The following KCNJ9 variants were observed in gnomAD, a reference collection of about 807,000 sequenced individuals.
The protein encoded by KCNJ9 is G protein-activated inward rectifier potassium channel 3.
Under a neutral mutation model 27.9 loss-of-function variants are expected in KCNJ9, and 18 were observed. The observed-to-expected ratio is 0.65, with a 90% CI of 0.45 to 0.96. The LOEUF is 0.96. Among genes scored for constraint, KCNJ9 ranks in the 40% least tolerant of loss-of-function variants. The pLI is 0.00. For missense variants in KCNJ9, 324 were observed against 557.5 expected (o/e 0.58, Z 4.22); for synonymous variants, 229 against 248.2 (o/e 0.92, Z 0.73).
At chr1:160,085,421 G>A (rs1189403693) in intron 2 of KCNJ9, among the ~76,000 whole-genome samples, 6 of 152,218 alleles carry the variant, frequency 3.9e-5, no homozygotes, top group Admixed American at 3.9e-4. Flanking sequence ...TTAGGTTCAG[G>A]GGTTTTCTCA....
At chr1:160,083,335 G>C (rs913073649) in intron 1 of KCNJ9, among the ~76,000 whole-genome samples, 2 of 152,158 alleles carry the variant, frequency 1.3e-5, no homozygotes, top group African/African-American at 2.4e-5. Context: ...TTTCTTTCTC[G>C]TTTGTAAGCA....
chr1:160,084,126 C>G lies in KCNJ9; in HGVS notation c.96C>G (p.Asn32Lys). 1 of 1,560,486 alleles carries G rather than the reference C, an allele frequency of 6.4e-7. No homozygotes were observed. The highest frequency in any genetic ancestry group is 8.7e-7 in the Non-Finnish European group (1 of 1,153,088). ...QRYVEKDGRC[N>K]VQQGNVRETY... ...ACGTGGAGAAGGATGGCCGGTGCAACGTGCAGCAGGGCAACGTGCGCGAGA... is the reference window on the plus strand; with the variant it reads ...ACGTGGAGAAGGATGGCCGGTGCAAGGTGCAGCAGGGCAACGTGCGCGAGA... The change falls in exon 2 of 3, where the codon AAC (asparagine) becomes AAG (lysine). Residue 32 changes from asparagine (N) to lysine (K), a missense_variant. Coordinates refer to ENST00000368088, the MANE Select transcript of KCNJ9 (RefSeq NM_004983.3).
At chr1:160,082,258 C>T (rs954123723) in intron 1 of KCNJ9, among the ~76,000 whole-genome samples, 6 of 152,148 alleles carry the variant, frequency 3.9e-5, no homozygotes, top group South Asian at 2.1e-4. Context: ...GGAGCAGGGT[C>T]GTTTTCTGCA....
rs1023698397 is a variant in KCNJ9 at position 160,089,981 on chromosome 1, A to G, written c.*2164A>G. On this transcript the variant is annotated 3_prime_UTR_variant, in exon 3 of 3. Coordinates refer to ENST00000368088, the MANE Select transcript of KCNJ9 (RefSeq NM_004983.3). The stretch of plus-strand genomic sequence containing the variant: ...GTCCTATGGGCATAGCCAGGGCCCT[A>G]TGGGTCCTCTGGAAGCAAGAAAGGG... 6.6e-6 allele frequency: 1 copy of G among 152,314 alleles called. No individual in the cohort carries two copies. The highest frequency in any genetic ancestry group is 2.4e-5 in the African/African-American group (1 of 41,442). 9.4% of individuals were successfully genotyped at this position (152,314 alleles called of 1,614,324 possible). A position where few individuals can be genotyped will look rare whatever the true frequency, so the allele number is the denominator to read the frequency against.
chr1:160,087,076 A>G (rs1174232002), intron 2 of KCNJ9, among the ~76,000 whole-genome samples: 1 of 152,206 alleles, frequency 6.6e-6, no homozygotes, highest in Non-Finnish European at 1.5e-5. Flanking sequence ...CATACAAAGG[A>G]GTGGGCCCTT....
At chr1:160,085,319 G>A (rs1304655493) in intron 2 of KCNJ9, among the ~76,000 whole-genome samples, 1 of 152,216 alleles carries the variant, frequency 6.6e-6, no homozygotes, top group Non-Finnish European at 1.5e-5. Flanking sequence ...TAAGGAAGTT[G>A]TCCACTTTCC....
At position 160,087,999 on chromosome 1, in the gene KCNJ9, G is replaced by T. The variant is rs1649814575; in HGVS notation, c.*182G>T. The T allele has an allele frequency of 3.9e-6, 2 of 508,540 alleles. No individual in the cohort carries two copies. Among genetic ancestry groups the T allele is most frequent in the Non-Finnish European group, 6.3e-6 (2 of 317,668 alleles). The allele number at this position is 508,540 out of a possible 1,614,324, so 31.5% of individuals were successfully genotyped here. A position where few individuals can be genotyped will look rare whatever the true frequency, so the allele number is the denominator to read the frequency against. ...CTAGAAACCAGTATGGAAGGGAGGG[G>T]TCCTGATTTCAGGGAAATGGAGGGT... is the stretch of plus-strand genomic sequence containing the variant. On this transcript the variant is annotated 3_prime_UTR_variant, in exon 3 of 3. Coordinates refer to ENST00000368088, the MANE Select transcript of KCNJ9 (RefSeq NM_004983.3).
intron 2 of KCNJ9, among the ~76,000 whole-genome samples, chr1:160,087,110 C>T (rs1482187108): frequency 6.6e-6 from 1 of 152,166 alleles, no homozygotes. Flanking sequence ...GCTATCAATC[C>T]TGGGAGGTAA....
chr1:160,084,987 G>A, intron 2 of KCNJ9, 107 bp downstream of exon 2: 1 of 1,270,978 alleles, frequency 7.9e-7, no homozygotes, highest in Non-Finnish European at 1.1e-6. Context: ...ATGGATGGAG[G>A]GGCTGGTGGA....
At chr1:160,085,063 C>T (rs1649753168) in intron 2 of KCNJ9, among the ~76,000 whole-genome samples, 183 bp downstream of exon 2, 1 of 152,186 alleles carries the variant, frequency 6.6e-6, no homozygotes, top group Non-Finnish European at 1.5e-5. Context: ...CCGCAGAAGG[C>T]CAAGAGAAAG....
chr1:160,082,332 G>A (rs1460349080), intron 1 of KCNJ9, among the ~76,000 whole-genome samples: 1 of 152,222 alleles, frequency 6.6e-6, no homozygotes, highest in Non-Finnish European at 1.5e-5. Context: ...CTTCAGGGAA[G>A]GAAAAGGAAG....
chr1:160,086,143 C>T lies in KCNJ9; in HGVS notation c.850+1263C>T, dbSNP rs183419048. On this transcript the variant is annotated intron_variant, in intron 2 of 2. Transcript: ENST00000368088. ...CGAAGCCCTTCTCTCCCCAGTGTCC[C>T]TTATGCCTCTTTCTCTTCTCTCCCA... Among the ~76,000 whole-genome samples, 301 of 152,332 alleles carry T rather than the reference C, an allele frequency of 2.0e-3. 1 individual carries two copies. The highest frequency in any genetic ancestry group is 7.0e-3 in the African/African-American group (292 of 41,562).
intron 2 of KCNJ9, among the ~76,000 whole-genome samples, chr1:160,085,085 T>C (rs1649753384): frequency 6.6e-6 from 1 of 152,132 alleles, no homozygotes; most frequent in Non-Finnish European, 1.5e-5. Flanking sequence ...TTGGAGGAAT[T>C]CTCCGAAATG....
intron 2 of KCNJ9, 41 bp downstream of exon 2, chr1:160,084,921 G>A: frequency 1.3e-6 from 2 of 1,484,438 alleles, no homozygotes; most frequent in Non-Finnish European, 1.8e-6. Context: ...TTGGCAGAGG[G>A]TGGGCGGGAC....
In KCNJ9 at chr1:160,089,605, T is replaced by C. The variant is rs989191166; in HGVS notation, c.*1788T>C. The C allele has an allele frequency of 4.0e-4, 61 of 152,336 alleles. No individual in the cohort carries two copies. Among genetic ancestry groups the C allele is most frequent in the African/African-American group, 1.4e-3 (58 of 41,556 alleles). 9.4% of individuals were successfully genotyped at this position (152,336 alleles called of 1,614,324 possible). On this transcript the variant is annotated 3_prime_UTR_variant, in exon 3 of 3. Transcript: ENST00000368088. The stretch of plus-strand genomic sequence containing the variant: ...TGTCTGCAGCCTGCTGTCAGCCCAA[T>C]TGGGCCAGGGGGTCCCAAAGACGCA...
chr1:160,083,537 C>T (rs962013432), intron 1 of KCNJ9, among the ~76,000 whole-genome samples: 2 of 152,072 alleles, frequency 1.3e-5, no homozygotes, highest in African/African-American at 2.4e-5. Flanking sequence ...CGCCTGCCCC[C>T]CTCCCCAAAA....
At chr1:160,084,940 G>A (rs1165725345) in intron 2 of KCNJ9, 60 bp downstream of exon 2, 2 of 1,464,562 alleles carry the variant, frequency 1.4e-6, no homozygotes, top group East Asian at 2.5e-5. Context: ...ACCGAGGAAG[G>A]CAGGGGCGAG....
At position 160,088,092 on chromosome 1, in the gene KCNJ9, A is replaced by T. The variant is rs1297306357; in HGVS notation, c.*275A>T. On this transcript the variant is annotated 3_prime_UTR_variant, in exon 3 of 3. Transcript: ENST00000368088. ...TGTTCATGAGTGGATGGATGGACAGAATGATGGACTTTTGGGGGTTGGATG... is the reference window on the plus strand; with the variant it reads ...TGTTCATGAGTGGATGGATGGACAGTATGATGGACTTTTGGGGGTTGGATG... The T allele has an allele frequency of 2.7e-6, 1 of 373,990 alleles. No homozygotes were observed. The highest frequency in any genetic ancestry group is 4.8e-6 in the Non-Finnish European group (1 of 210,516). The allele number at this position is 373,990 out of a possible 1,614,324, so 23.2% of individuals were successfully genotyped here. A position where few individuals can be genotyped will look rare whatever the true frequency, so the allele number is the denominator to read the frequency against.
chr1:160,087,134 A>G (rs763171306), intron 2 of KCNJ9, among the ~76,000 whole-genome samples: 7 of 152,240 alleles, frequency 4.6e-5, no homozygotes, highest in Admixed American at 1.3e-4. Flanking sequence ...AGTATAAGCT[A>G]GATGCCCATT....
Sources: allele counts gnomAD v4.1 joint callset (sites outside exome capture counted in the v4.1 genomes callset), GRCh38; gene constraint gnomAD v4.1.1; transcripts MANE v1.5; gene names NCBI Gene and HGNC (gene_info 2026-07-23, HGNC 2026-07-21).